L3MBTL4: variants seen among roughly 807,000 people sequenced by gnomAD.
L3MBTL4 encodes L3MBTL histone methyl-lysine binding protein 4.
In L3MBTL4, 70 loss-of-function variants were observed where a neutral mutation model predicts 84.5. That is an observed-to-expected ratio of 0.83 (90% CI 0.68 to 1.01). L3MBTL4 has a LOEUF of 1.01. Ranked by LOEUF, L3MBTL4 falls within the 50% of genes least tolerant of loss-of-function variation. L3MBTL4 has a pLI of 0.00. For missense variants in L3MBTL4, 715 were observed against 754.8 expected, an observed-to-expected ratio of 0.95 and a Z score of 0.62; for synonymous variants, 274 against 259.8, an observed-to-expected ratio of 1.05 and a Z score of -0.52.
intron 1 of L3MBTL4, among the ~76,000 whole-genome samples, chr18:6,330,595 T>A (rs890945908): frequency 1.3e-5 from 2 of 152,222 alleles, no homozygotes; most frequent in Non-Finnish European, 2.9e-5. Context: ...AGTCAGCTGA[T>A]CAGCAACCTT....
intron 1 of L3MBTL4, among the ~76,000 whole-genome samples, chr18:6,320,364 T>C (rs1363461481): frequency 1.3e-5 from 2 of 151,868 alleles, no homozygotes; most frequent in Admixed American, 6.6e-5. Context: ...TGACTATATA[T>C]CTAGAAAACC....
chr18:6,137,046 C>A (rs907687568), intron 14 of L3MBTL4, among the ~76,000 whole-genome samples: 2 of 152,176 alleles, frequency 1.3e-5, no homozygotes, highest in African/African-American at 4.8e-5. Flanking sequence ...TTCACTCTTG[C>A]TCAAAAACTT....
At chr18:5,992,462 C>T (rs947344418) in intron 16 of L3MBTL4, among the ~76,000 whole-genome samples, 4 of 152,118 alleles carry the variant, frequency 2.6e-5, no homozygotes, top group African/African-American at 9.7e-5. Flanking sequence ...AGGAAATCCC[C>T]CAAGAACATT....
Position 6,075,256 on chromosome 18 carries a change from G to A in L3MBTL4, c.1444+5625C>T, listed in dbSNP as rs143155345. Among the ~76,000 whole-genome samples the A allele has an allele frequency of 2.6e-4, 39 of 152,098 alleles. 1 individual carries two copies. The East Asian group carries it at 6.6e-3, about 26-fold the overall frequency. Reference sequence around the variant, plus strand: ...AGAAAAAGAACAAAAATGGAGGAGCGGCATTCTTAGCTATCAGAATTTATC... The same window carrying A: ...AGAAAAAGAACAAAAATGGAGGAGCAGCATTCTTAGCTATCAGAATTTATC... On this transcript the variant is annotated intron_variant, in intron 16 of 18. Coordinates refer to ENST00000317931, the MANE Select transcript of L3MBTL4 (RefSeq NM_001330559.2).
chr18:6,216,931 A>C (rs1164748861), intron 10 of L3MBTL4, among the ~76,000 whole-genome samples: 2 of 152,204 alleles, frequency 1.3e-5, no homozygotes, highest in African/African-American at 2.4e-5. Context: ...TATAAAATAG[A>C]GTCAACAATT....
chr18:6,106,886 G>T (rs2059026381), intron 14 of L3MBTL4, among the ~76,000 whole-genome samples: 1 of 152,202 alleles, frequency 6.6e-6, no homozygotes, highest in Admixed American at 6.5e-5. Flanking sequence ...CCCTGGACTA[G>T]GGATGTGGTG....
intron 16 of L3MBTL4, among the ~76,000 whole-genome samples, chr18:5,972,578 CA>C (rs2052690698): frequency 6.6e-6 from 1 of 152,156 alleles, no homozygotes; most frequent in Admixed American, 6.6e-5. Flanking sequence ...TAAATTAACA[CA>C]ACGCAAGACT....
At chr18:6,351,843 G>C (rs1313671811) in intron 1 of L3MBTL4, among the ~76,000 whole-genome samples, 3 of 151,840 alleles carry the variant, frequency 2.0e-5, no homozygotes, top group African/African-American at 7.3e-5. Flanking sequence ...GAGCAACCGC[G>C]CCCAGCCTAA....
intron 16 of L3MBTL4, among the ~76,000 whole-genome samples, chr18:5,981,661 A>G (rs2053224390): frequency 6.6e-6 from 1 of 151,956 alleles, no homozygotes; most frequent in Admixed American, 6.6e-5. Flanking sequence ...TGAGGAAAAA[A>G]AAAAAAAGCC....
rs531344545 is a variant in L3MBTL4, at chr18:6,090,444, G to T, written c.1373+2911C>A. Among the ~76,000 whole-genome samples the T allele has an allele frequency of 2.6e-5, 4 of 151,912 alleles. No homozygotes were observed. The South Asian group carries it at 6.2e-4, about 24-fold the overall frequency. On this transcript the variant is annotated intron_variant, in intron 15 of 18. Transcript: ENST00000317931. Reference sequence around the variant, plus strand: ...TTTTTAAAAATAATCAAAAAATTGGGTTGCAGTTAAGGAAAAGAAAAAATT... The same window carrying T: ...TTTTTAAAAATAATCAAAAAATTGGTTTGCAGTTAAGGAAAAGAAAAAATT...
chr18:6,083,120 G>A (rs765533708), intron 15 of L3MBTL4, among the ~76,000 whole-genome samples: 17 of 152,140 alleles, frequency 1.1e-4, no homozygotes, highest in Non-Finnish European at 1.9e-4. Context: ...TCAAGTCTTT[G>A]GACTCCAAAT....
intron 16 of L3MBTL4, among the ~76,000 whole-genome samples, chr18:5,998,290 G>T (rs1267300584): frequency 6.6e-6 from 1 of 152,188 alleles, no homozygotes; most frequent in Admixed American, 6.5e-5. Flanking sequence ...TGCCATAGCG[G>T]GAGGGGGACT....
chr18:6,261,799 G>C (rs2048413147), intron 5 of L3MBTL4, among the ~76,000 whole-genome samples: 1 of 152,196 alleles, frequency 6.6e-6, no homozygotes, highest in African/African-American at 2.4e-5. Context: ...TCTCAGAGAA[G>C]AAGCTCTAGA....
intron 5 of L3MBTL4, among the ~76,000 whole-genome samples, chr18:6,245,776 T>C (rs1192256945): frequency 6.6e-6 from 1 of 151,588 alleles, no homozygotes; most frequent in Admixed American, 6.6e-5. Context: ...TTTTTAGTAG[T>C]GACGGGGTTT....
At chr18:6,381,332 T>A (rs1282970513) in intron 1 of L3MBTL4, among the ~76,000 whole-genome samples, 2 of 152,214 alleles carry the variant, frequency 1.3e-5, no homozygotes, top group Non-Finnish European at 2.9e-5. Flanking sequence ...CCCATTTACA[T>A]TTAAGGTTAA....
At chr18:6,114,648 C>T (rs1186726025) in intron 14 of L3MBTL4, among the ~76,000 whole-genome samples, 2 of 152,202 alleles carry the variant, frequency 1.3e-5, no homozygotes, top group East Asian at 1.9e-4. Context: ...AATTGCATCA[C>T]TCCTTGCTCA....
chr18:6,101,799 T>C (rs73938731), intron 14 of L3MBTL4, among the ~76,000 whole-genome samples: 133 of 152,376 alleles, frequency 8.7e-4, no homozygotes, highest in African/African-American at 3.1e-3. Context: ...ATTACAGGTA[T>C]TCAATTTTCA....
intron 12 of L3MBTL4, among the ~76,000 whole-genome samples, chr18:6,176,710 TA>T: frequency 6.6e-6 from 1 of 152,322 alleles, no homozygotes; most frequent in African/African-American, 2.4e-5. Context: ...ATTCATTTTT[TA>T]CCTGACTCAA....
intron 16 of L3MBTL4, chr18:6,031,815 T>C (rs1324594602): frequency 1.1e-6 from 1 of 899,794 alleles, no homozygotes; most frequent in East Asian, 1.1e-4. Context: ...TTCATGGTTT[T>C]TTTTTTTTTT....
Sources: gnomAD v4.1 joint callset for allele counts (sites outside exome capture counted in the v4.1 genomes callset) on GRCh38, gnomAD v4.1.1 for gene constraint, MANE v1.5 for transcripts, NCBI Gene and HGNC (gene_info 2026-07-23, HGNC 2026-07-21) for gene names.